GALNTL6: variants seen among roughly 807,000 people sequenced by gnomAD.
The protein encoded by GALNTL6 is polypeptide N-acetylgalactosaminyltransferase-like 6.
Under a neutral mutation model 73.7 loss-of-function variants are expected in GALNTL6, and 46 were observed. That is an observed-to-expected ratio of 0.62 (90% CI 0.49 to 0.80). The LOEUF (loss-of-function observed/expected upper bound fraction) is 0.80. Among genes scored for constraint, GALNTL6 ranks in the 30% least tolerant of loss-of-function variants. GALNTL6 has a pLI of 0.00. For missense variants in GALNTL6, 604 were observed against 755.0 expected (o/e 0.80, Z 2.34); for synonymous variants, 259 against 263.7 (o/e 0.98, Z 0.17).
At chr4:172,052,579 G>A (rs757589212) in intron 2 of GALNTL6, 91 of 1,328,212 alleles carry the variant, frequency 6.9e-5, no homozygotes, top group Middle Eastern at 1.9e-4. Context: ...AGACAAGATA[G>A]GGTGGTTCGT....
intron 5 of GALNTL6, among the ~76,000 whole-genome samples, chr4:172,600,710 T>G (rs1158213393): frequency 6.6e-6 from 1 of 152,100 alleles, no homozygotes; most frequent in East Asian, 1.9e-4. Flanking sequence ...CATTAAAAAT[T>G]TGGGCAGTCA....
At chr4:172,258,842 C>G (rs982081971) in intron 3 of GALNTL6, among the ~76,000 whole-genome samples, 3 of 151,118 alleles carry the variant, frequency 2.0e-5, no homozygotes, top group Non-Finnish European at 3.0e-5. Context: ...TGAGAACATA[C>G]AACATTTGAT....
intron 5 of GALNTL6, among the ~76,000 whole-genome samples, chr4:172,394,518 G>T (rs1028558975): frequency 7.0e-6 from 1 of 143,078 alleles, no homozygotes; most frequent in African/African-American, 2.7e-5. Context: ...TGCAACCTCC[G>T]CCTGCCAGGT....
chr4:172,155,845 C>G (rs1314620585), intron 2 of GALNTL6, among the ~76,000 whole-genome samples: 1 of 151,928 alleles, frequency 6.6e-6, no homozygotes. Context: ...CATTTTCTAA[C>G]CTTTCTTACT....
At chr4:172,430,761 C>G (rs1234931712) in intron 5 of GALNTL6, among the ~76,000 whole-genome samples, 1 of 152,208 alleles carries the variant, frequency 6.6e-6, no homozygotes, top group Non-Finnish European at 1.5e-5. Context: ...GCTCTGATCT[C>G]ACCACTGCAC....
chr4:172,944,240 T>C (rs1749049739), intron 9 of GALNTL6, among the ~76,000 whole-genome samples: 3 of 152,168 alleles, frequency 2.0e-5, no homozygotes, highest in South Asian at 2.1e-4. Flanking sequence ...AAGGTTTGTA[T>C]CCATAATACA....
chr4:172,840,409 G>A (rs1743144736), intron 7 of GALNTL6, among the ~76,000 whole-genome samples: 1 of 152,188 alleles, frequency 6.6e-6, no homozygotes, highest in African/African-American at 2.4e-5. Flanking sequence ...TCCGCCAGCT[G>A]CTGGGCCCTG....
At chr4:172,132,555 G>A (rs1037516331) in intron 2 of GALNTL6, among the ~76,000 whole-genome samples, 1 of 152,046 alleles carries the variant, frequency 6.6e-6, no homozygotes, top group African/African-American at 2.4e-5. Context: ...ACGTGTGCAT[G>A]TACCTGTGCC....
At position 172,732,214 on chromosome 4, in the gene GALNTL6, A is replaced by C. The variant is rs144768167; in HGVS notation, c.554-77147A>C. Reference sequence around the variant, plus strand: ...TTCATGATTGCTTCAAGTATTTAGGAGCTCTGTATTGGGTACATAAATATT... The same window carrying C: ...TTCATGATTGCTTCAAGTATTTAGGCGCTCTGTATTGGGTACATAAATATT... On this transcript the variant is annotated intron_variant, in intron 5 of 12. Transcript: ENST00000506823. 7.0e-3 allele frequency among the ~76,000 whole-genome samples: 1,059 copies of C among 152,124 alleles called. 6 individuals carry two copies. The highest frequency in any genetic ancestry group is 0.027 in the Middle Eastern group (8 of 294).
intron 5 of GALNTL6, among the ~76,000 whole-genome samples, chr4:172,476,653 G>A (rs770644914): frequency 3.9e-5 from 6 of 152,034 alleles, no homozygotes; most frequent in South Asian, 2.1e-4. Flanking sequence ...TTCATGGAGC[G>A]CTGAATAAAC....
chr4:171,930,218 A>G (rs895507437), intron 2 of GALNTL6, among the ~76,000 whole-genome samples: 1 of 152,242 alleles, frequency 6.6e-6, no homozygotes, highest in Non-Finnish European at 1.5e-5. Flanking sequence ...GCCCAGTCCA[A>G]CAATCAATGT....
chr4:173,027,746 G>A (rs887995287), intron 12 of GALNTL6, among the ~76,000 whole-genome samples: 1 of 152,122 alleles, frequency 6.6e-6, no homozygotes, highest in African/African-American at 2.4e-5. Flanking sequence ...GAATTGGAAA[G>A]GAAGAAATAA....
chr4:172,913,675 G>C (rs1205733767), intron 8 of GALNTL6, among the ~76,000 whole-genome samples: 1 of 152,166 alleles, frequency 6.6e-6, no homozygotes, highest in Non-Finnish European at 1.5e-5. Flanking sequence ...AATGAAGTGA[G>C]AAGAGAAGTT....
Position 172,000,262 on chromosome 4 carries a change from A to ATCTTGGTCAG in GALNTL6, c.138+185544_138+185545insTCTTGGTCAG, listed in dbSNP as rs1740631964. ...GACTAATGAGGTCCGGCAGTATGGA[A>ATCTTGGTCAG]AATAAACTCTCCTTGGTCAGAATCT... On this transcript the variant is annotated intron_variant, in intron 2 of 12. Transcript: ENST00000506823. 4.6e-5 allele frequency among the ~76,000 whole-genome samples: 7 copies of ATCTTGGTCAG among 152,304 alleles called. No homozygotes were observed. The South Asian group carries it at 1.2e-3, about 27-fold the overall frequency.
intron 5 of GALNTL6, among the ~76,000 whole-genome samples, chr4:172,445,326 A>G (rs1731980501): frequency 6.6e-6 from 1 of 152,226 alleles, no homozygotes; most frequent in Admixed American, 6.6e-5. Context: ...TTAAAATTGA[A>G]ATAATAGAAG....
At chr4:172,387,225 A>G (rs1743505364) in intron 5 of GALNTL6, among the ~76,000 whole-genome samples, 1 of 152,174 alleles carries the variant, frequency 6.6e-6, no homozygotes, top group South Asian at 2.1e-4. Context: ...GCACCTATGT[A>G]GTAATCTTTA....
intron 7 of GALNTL6, among the ~76,000 whole-genome samples, chr4:172,858,719 C>G (rs1156359454): frequency 1.3e-5 from 2 of 152,050 alleles, no homozygotes; most frequent in Non-Finnish European, 2.9e-5. Flanking sequence ...GTCTACTGTT[C>G]CTGCTCATAC....
intron 5 of GALNTL6, among the ~76,000 whole-genome samples, chr4:172,618,566 C>T (rs1211570690): frequency 6.6e-6 from 1 of 152,130 alleles, no homozygotes; most frequent in Non-Finnish European, 1.5e-5. Flanking sequence ...TGGACCTTCC[C>T]AAACACCTGG....
chr4:172,703,597 G>A (rs181229157), intron 5 of GALNTL6, among the ~76,000 whole-genome samples: 1 of 151,992 alleles, frequency 6.6e-6, no homozygotes, highest in Non-Finnish European at 1.5e-5. Flanking sequence ...CAGTTTTCCA[G>A]CATTTTGTGA....
Sources: gnomAD v4.1 joint callset for allele counts (sites outside exome capture counted in the v4.1 genomes callset) on GRCh38, gnomAD v4.1.1 for gene constraint, MANE v1.5 for transcripts, NCBI Gene and HGNC (gene_info 2026-07-23, HGNC 2026-07-21) for gene names.